CSGALNACT1: variants seen among roughly 807,000 people sequenced by gnomAD.
CSGALNACT1 encodes chondroitin sulfate N-acetylgalactosaminyltransferase 1, also known as beta4GalNAcT-1.
Under a neutral mutation model 51.0 loss-of-function variants are expected in CSGALNACT1, and 52 were observed. The ratio of observed to expected loss-of-function variants is 1.02; its 90% CI spans 0.82 to 1.29. CSGALNACT1 has a LOEUF of 1.29. CSGALNACT1 is among the 50% of genes most tolerant of loss of function. CSGALNACT1 has a pLI of 0.00. For synonymous variants in CSGALNACT1, 341 were observed against 254.4 expected, an observed-to-expected ratio of 1.34 and a Z score of -3.24; for missense variants, 935 against 679.2, an observed-to-expected ratio of 1.38 and a Z score of -4.19.
intron 1 of CSGALNACT1, among the ~76,000 whole-genome samples, chr8:19,711,177 G>C (rs1018296344): frequency 1.8e-4 from 28 of 151,834 alleles, no homozygotes; most frequent in African/African-American, 6.5e-4. Context: ...GCTAAGTCAG[G>C]CCCAATAGAA....
chr8:19,695,922 C>T (rs1052830447), intron 1 of CSGALNACT1, among the ~76,000 whole-genome samples: 6 of 152,104 alleles, frequency 3.9e-5, no homozygotes, highest in Admixed American at 2.0e-4. Context: ...AAGCCATTAG[C>T]GCTCATGAAA....
chr8:19,756,882 G>A (rs924023327), intron 1 of CSGALNACT1, among the ~76,000 whole-genome samples: 2 of 152,066 alleles, frequency 1.3e-5, no homozygotes, highest in Non-Finnish European at 2.9e-5. Flanking sequence ...CCGACCCCGG[G>A]AGCGCAGCGG....
intron 1 of CSGALNACT1, among the ~76,000 whole-genome samples, chr8:19,726,150 G>A (rs890429929): frequency 6.6e-6 from 1 of 151,922 alleles, no homozygotes; most frequent in African/African-American, 2.4e-5. Context: ...CCTGTATATT[G>A]GAAATAATAT....
intron 3 of CSGALNACT1, among the ~76,000 whole-genome samples, chr8:19,545,112 G>A (rs906876982): frequency 6.6e-6 from 1 of 151,966 alleles, no homozygotes; most frequent in Non-Finnish European, 1.5e-5. Flanking sequence ...ATGTCACCCT[G>A]GAAGCTAGAA....
chr8:19,656,489 A>G (rs542609371), intron 1 of CSGALNACT1, among the ~76,000 whole-genome samples: 1 of 152,038 alleles, frequency 6.6e-6, no homozygotes, highest in Non-Finnish European at 1.5e-5. Context: ...GACCTCAAAG[A>G]GGCCCCACAG....
chr8:19,459,354 G>T (rs1251865650), intron 4 of CSGALNACT1, among the ~76,000 whole-genome samples: 3 of 131,604 alleles, frequency 2.3e-5, no homozygotes, highest in Non-Finnish European at 4.7e-5. Context: ...CTTCACTCCA[G>T]TATGGGCAAC....
chr8:19,531,953 G>C (rs556770506), intron 3 of CSGALNACT1: 5 of 152,256 alleles, frequency 3.3e-5, no homozygotes, highest in African/African-American at 1.2e-4. Context: ...GCTTCTGGAA[G>C]GGAAAAGAGG....
At chr8:19,620,908 G>T (rs946512500) in intron 1 of CSGALNACT1, among the ~76,000 whole-genome samples, 3 of 152,070 alleles carry the variant, frequency 2.0e-5, no homozygotes, top group African/African-American at 7.2e-5. Context: ...TTAAGTGGGG[G>T]CTGTGAGATA....
At chr8:19,407,108 T>G (rs558177528) in intron 9 of CSGALNACT1, among the ~76,000 whole-genome samples, 2 of 152,178 alleles carry the variant, frequency 1.3e-5, no homozygotes, top group Admixed American at 6.5e-5. Context: ...TGTTAGTTGT[T>G]GAGTGTCTGC....
intron 3 of CSGALNACT1, among the ~76,000 whole-genome samples, chr8:19,524,932 G>C (rs1342638350): frequency 6.6e-6 from 1 of 152,160 alleles, no homozygotes; most frequent in African/African-American, 2.4e-5. Flanking sequence ...CAGAGAGAGA[G>C]AGACAGAGAC....
At chr8:19,463,265 A>G (rs966717338) in intron 4 of CSGALNACT1, among the ~76,000 whole-genome samples, 2 of 152,140 alleles carry the variant, frequency 1.3e-5, no homozygotes, top group Non-Finnish European at 2.9e-5. Context: ...GCTATTGTGA[A>G]TAGCACAATT....
chr8:19,461,847 G>A (rs978311878), intron 4 of CSGALNACT1, among the ~76,000 whole-genome samples: 1 of 43,578 alleles, frequency 2.3e-5, no homozygotes, highest in Non-Finnish European at 6.5e-5. Flanking sequence ...TATCTGCACA[G>A]CAGCCACATT....
At chr8:19,584,758 A>G (rs550516696) in intron 3 of CSGALNACT1, among the ~76,000 whole-genome samples, 1 of 152,340 alleles carries the variant, frequency 6.6e-6, no homozygotes, top group African/African-American at 2.4e-5. Flanking sequence ...TAGCAGTACA[A>G]AGTAAGCATT....
chr8:19,544,623 G>A (rs1012842528), intron 3 of CSGALNACT1, among the ~76,000 whole-genome samples: 1 of 152,104 alleles, frequency 6.6e-6, no homozygotes, highest in Non-Finnish European at 1.5e-5. Flanking sequence ...ATTTGAAACT[G>A]CCTTATCCAA....
chr8:19,554,036 G>A (rs907172079), intron 3 of CSGALNACT1, among the ~76,000 whole-genome samples: 5 of 152,052 alleles, frequency 3.3e-5, no homozygotes, highest in African/African-American at 9.6e-5. Context: ...TCAACATCCA[G>A]TTGGAGCCCC....
At chr8:19,477,299 A>C (rs1738013307) in intron 4 of CSGALNACT1, among the ~76,000 whole-genome samples, 1 of 152,196 alleles carries the variant, frequency 6.6e-6, no homozygotes, top group South Asian at 2.1e-4. Context: ...TGTAGGACAA[A>C]GATTTTCCTC....
At chr8:19,690,817 G>C (rs141327264) in intron 1 of CSGALNACT1, among the ~76,000 whole-genome samples, 187 of 152,024 alleles carry the variant, frequency 1.2e-3, no homozygotes, top group African/African-American at 4.3e-3. Flanking sequence ...GGTAATTTGG[G>C]AAATTAGAGT....
intron 5 of CSGALNACT1, among the ~76,000 whole-genome samples, chr8:19,447,574 A>G (rs73212544): frequency 0.078 from 11,923 of 152,250 alleles, 685 homozygotes; most frequent in Non-Finnish European, 0.11. Flanking sequence ...GATGTACACA[A>G]TAGGATGTGT....
chr8:19,484,801 C>T (rs1421086191), intron 4 of CSGALNACT1, among the ~76,000 whole-genome samples: 1 of 152,188 alleles, frequency 6.6e-6, no homozygotes, highest in Non-Finnish European at 1.5e-5. Context: ...AATGGGGCTG[C>T]TCTGGTGGGT....
Sources: gnomAD v4.1 joint callset for allele counts (sites outside exome capture counted in the v4.1 genomes callset) on GRCh38, gnomAD v4.1.1 for gene constraint, MANE v1.5 for transcripts, NCBI Gene and HGNC (gene_info 2026-07-23, HGNC 2026-07-21) for gene names.